The following PUDP variants were observed in gnomAD, a reference collection of about 807,000 sequenced individuals.
The protein encoded by PUDP is pseudouridine-5'-phosphatase.
PUDP carries 8 observed loss-of-function variants against 9.4 expected under a neutral mutation model. The observed-to-expected ratio is 0.85, with a 90% CI of 0.50 to 1.53. The LOEUF (loss-of-function observed/expected upper bound fraction) is 1.53, where lower values mean the gene tolerates loss of function less well. PUDP is among the 40% of genes most tolerant of loss of function. PUDP has a pLI of 0.00. For missense variants in PUDP, 188 were observed against 189.7 expected, an observed-to-expected ratio of 0.99 and a Z score of 0.05; for synonymous variants, 99 against 80.7, an observed-to-expected ratio of 1.23 and a Z score of -1.22.
At chrX:7,057,786 T>C (rs1187303368) in intron 3 of PUDP, 13 of 1,154,599 alleles carry the variant, frequency 1.1e-5, no homozygotes, top group Non-Finnish European at 9.2e-6. Context: ...GCCCTGGCAT[T>C]TCTGTGCGGT....
Position 6,707,772 on chromosome X carries a change from G to A in PUDP, n.129-1306C>T, listed in dbSNP as rs190892264. Among the ~76,000 whole-genome samples, 10 of 112,117 alleles carry A rather than the reference G, an allele frequency of 8.9e-5. No individual in the cohort carries two copies. In the East Asian group the frequency reaches 2.3e-3, roughly 25 times the overall value. ...CCGGTTCCTAACAGGCCACAGACCC[G>A]TCAGTGGCTGGGGCTTGGGCATCCC... On this transcript the variant is annotated intron_variant and non_coding_transcript_variant, in intron 1 of 2. Coordinates refer to the PUDP transcript ENST00000438499.
chrX:6,726,893 T>C (rs1195841951), intron 3 of PUDP, among the ~76,000 whole-genome samples: 1 of 111,784 alleles, frequency 8.9e-6, no homozygotes, highest in African/African-American at 3.2e-5. Context: ...TTTTTACAAT[T>C]TACTATGAAA....
At chrX:6,928,417 C>T (rs747759154) in intron 3 of PUDP, among the ~76,000 whole-genome samples, 14 of 111,406 alleles carry the variant, frequency 1.3e-4, no homozygotes, top group South Asian at 1.1e-3. Context: ...CGTGTCCAAA[C>T]GCCAGATTTT....
At chrX:6,717,524 A>T (rs1176539717) in intron 1 of PUDP, among the ~76,000 whole-genome samples, 1 of 111,660 alleles carries the variant, frequency 9.0e-6, no homozygotes, top group African/African-American at 3.3e-5. Flanking sequence ...CTCCTCCTGG[A>T]AGCACTTTGT....
At chrX:6,904,817 C>A (rs979423118) in intron 3 of PUDP, among the ~76,000 whole-genome samples, 2 of 112,342 alleles carry the variant, frequency 1.8e-5, no homozygotes, top group African/African-American at 6.5e-5. Flanking sequence ...GGTGTCCATG[C>A]GAGGCAGCCC....
chrX:6,710,972 G>A lies in PUDP; in HGVS notation n.129-4506C>T, dbSNP rs1302048440. ...GGTTCCATGGAGAAAGGGGGGAAAA[G>A]TGTGGAGCTGCACTGATCACGTATG... On this transcript the variant is annotated intron_variant and non_coding_transcript_variant, in intron 1 of 2. Coordinates refer to the PUDP transcript ENST00000438499. Among the ~76,000 whole-genome samples the A allele has an allele frequency of 4.5e-5, 5 of 111,333 alleles. No individual in the cohort carries two copies. The East Asian group carries it at 1.4e-3, about 32-fold the overall frequency.
At chrX:6,797,052 T>A (rs1012584155) in intron 3 of PUDP, among the ~76,000 whole-genome samples, 1 of 111,693 alleles carries the variant, frequency 9.0e-6, no homozygotes, top group Non-Finnish European at 1.9e-5. Flanking sequence ...AAAAAATAAA[T>A]TGTTAAATTT....
At chrX:6,933,236 CA>C (rs1928232496) in intron 3 of PUDP, among the ~76,000 whole-genome samples, 1 of 109,317 alleles carries the variant, frequency 9.1e-6, no homozygotes, top group Non-Finnish European at 1.9e-5. Flanking sequence ...AGGCACCCCC[CA>C]GTAGGGGCAG....
At chrX:7,109,954 A>G (rs1931992173) in intron 1 of PUDP, among the ~76,000 whole-genome samples, 2 of 112,174 alleles carry the variant, frequency 1.8e-5, no homozygotes, top group Admixed American at 1.9e-4. Context: ...ATTAGAAAAT[A>G]TCCCTTGTGA....
At chrX:6,773,233 T>A (rs1468033781) in intron 3 of PUDP, among the ~76,000 whole-genome samples, 4 of 112,068 alleles carry the variant, frequency 3.6e-5, no homozygotes, top group Non-Finnish European at 7.5e-5. Context: ...ATCTTTTTGG[T>A]CTACAATGAA....
intron 3 of PUDP, among the ~76,000 whole-genome samples, chrX:6,751,132 A>C (rs1224068714): frequency 3.7e-5 from 4 of 108,497 alleles, no homozygotes; most frequent in Non-Finnish European, 7.7e-5. Context: ...ACAGAGTGAG[A>C]ATCCGTCTAA....
At chrX:6,774,188 T>C (rs1473254580) in intron 3 of PUDP, among the ~76,000 whole-genome samples, 2 of 111,873 alleles carry the variant, frequency 1.8e-5, no homozygotes, top group African/African-American at 6.5e-5. Context: ...CTGCCTACAG[T>C]GTTATCCCGT....
chrX:7,090,971 G>A (rs1931403643), intron 2 of PUDP, among the ~76,000 whole-genome samples: 1 of 112,322 alleles, frequency 8.9e-6, no homozygotes, highest in Non-Finnish European at 1.9e-5. Flanking sequence ...CAAGTAAAAT[G>A]CATTCTTTTG....
At chrX:6,752,244 C>G (rs769876823) in intron 3 of PUDP, among the ~76,000 whole-genome samples, 5 of 111,821 alleles carry the variant, frequency 4.5e-5, no homozygotes, top group Non-Finnish European at 9.4e-5. Flanking sequence ...TGGTCTTGAT[C>G]CATTTAATCA....
At chrX:7,052,193 G>A (rs1057329754) in intron 3 of PUDP, among the ~76,000 whole-genome samples, 3 of 110,074 alleles carry the variant, frequency 2.7e-5, no homozygotes, top group Admixed American at 9.7e-5. Context: ...TCACCAAGCC[G>A]GCTAATTTTT....
chrX:7,021,432 C>A (rs779155740), intron 1 of PUDP, among the ~76,000 whole-genome samples: 208 of 111,457 alleles, frequency 1.9e-3, no homozygotes, highest in Non-Finnish European at 2.9e-3. Flanking sequence ...ATGCACCCCC[C>A]CTTAGTTTCT....
intron 3 of PUDP, among the ~76,000 whole-genome samples, chrX:6,789,837 A>T (rs1402562815): frequency 1.1e-5 from 1 of 91,341 alleles, no homozygotes; most frequent in Non-Finnish European, 2.1e-5. Context: ...GATCATAGAG[A>T]TAGATAGATT....
chrX:7,077,713 G>A (rs1325879018), intron 2 of PUDP, among the ~76,000 whole-genome samples: 1 of 112,797 alleles, frequency 8.9e-6, no homozygotes, highest in Non-Finnish European at 1.9e-5. Flanking sequence ...GCACTGGGAG[G>A]CACTGCTGCT....
intron 1 of PUDP, among the ~76,000 whole-genome samples, chrX:6,987,615 G>C (rs1438711395): frequency 8.9e-6 from 1 of 112,081 alleles, no homozygotes; most frequent in African/African-American, 3.2e-5. Context: ...CTATGCTCAT[G>C]GGCCAAATGT....
Sources: allele counts gnomAD v4.1 joint callset (sites outside exome capture counted in the v4.1 genomes callset), GRCh38; gene constraint gnomAD v4.1.1; transcripts MANE v1.5; gene names NCBI Gene and HGNC (gene_info 2026-07-23, HGNC 2026-07-21).